Variants in TMEFF2 observed in about 807,000 individuals in gnomAD.
TMEFF2 encodes the protein tomoregulin-2.
Under a neutral mutation model 53.8 loss-of-function variants are expected in TMEFF2, and 28 were observed. The ratio of observed to expected loss-of-function variants is 0.52; its 90% confidence interval spans 0.39 to 0.71. The LOEUF is 0.71. TMEFF2 is among the 30% of genes least tolerant of loss of function. The probability of loss-of-function intolerance (pLI) is 0.00; values close to 1 mark genes in which losing one functional copy is unlikely to be tolerated. For synonymous variants in TMEFF2, 162 were observed against 166.3 expected (o/e 0.97, Z 0.20); for missense variants, 353 against 455.2 (o/e 0.78, Z 2.04).
rs569528744 is a variant in TMEFF2, at chr2:192,059,556, C to T, written c.440-1781G>A. On this transcript the variant is annotated intron_variant, in intron 4 of 9. Coordinates refer to ENST00000272771, the MANE Select transcript of TMEFF2 (RefSeq NM_016192.4). ...ACTTCCAGACTAAAGCTTCCCATTACTCAGGAAAGATAAGAACACAATGGC... is the reference window on the plus strand; with the variant it reads ...ACTTCCAGACTAAAGCTTCCCATTATTCAGGAAAGATAAGAACACAATGGC... Among the ~76,000 whole-genome samples the T allele has an allele frequency of 2.0e-5, 3 of 152,268 alleles. No individual in the cohort carries two copies. In the South Asian group the frequency reaches 6.2e-4, roughly 32 times the overall value.
At chr2:191,978,038 T>C (rs576719301) in intron 7 of TMEFF2, among the ~76,000 whole-genome samples, 3 of 152,334 alleles carry the variant, frequency 2.0e-5, no homozygotes, top group East Asian at 1.9e-4. Flanking sequence ...GTCAGCACTT[T>C]TAGCAGAAAC....
At chr2:192,132,210 C>T (rs551120198) in intron 4 of TMEFF2, among the ~76,000 whole-genome samples, 42 of 152,250 alleles carry the variant, frequency 2.8e-4, no homozygotes, top group South Asian at 2.1e-4. Context: ...CTTACAGTTT[C>T]GTTCTGTGAC....
intron 5 of TMEFF2, among the ~76,000 whole-genome samples, chr2:192,023,352 AC>A (rs1686899188): frequency 6.6e-6 from 1 of 152,172 alleles, no homozygotes; most frequent in Admixed American, 6.5e-5. Flanking sequence ...CTACATCAAC[AC>A]CAGGTACTTC....
intron 4 of TMEFF2, among the ~76,000 whole-genome samples, chr2:192,141,844 A>G (rs1004554684): frequency 6.6e-6 from 1 of 152,194 alleles, no homozygotes. Context: ...ATTTGTATTT[A>G]TTACAAACTG....
chr2:192,118,230 T>C (rs1385622678), intron 4 of TMEFF2, among the ~76,000 whole-genome samples: 1 of 152,084 alleles, frequency 6.6e-6, no homozygotes, highest in African/African-American at 2.4e-5. Flanking sequence ...GACTAGAGAT[T>C]TTTTGGTAAC....
At chr2:192,104,628 G>C (rs1397696938) in intron 4 of TMEFF2, among the ~76,000 whole-genome samples, 3 of 151,900 alleles carry the variant, frequency 2.0e-5, no homozygotes, top group Non-Finnish European at 4.4e-5. Context: ...AATTTAACTG[G>C]ATGAATTAAA....
intron 4 of TMEFF2, among the ~76,000 whole-genome samples, chr2:192,071,486 A>C (rs1245490861): frequency 1.3e-5 from 2 of 151,742 alleles, no homozygotes; most frequent in Non-Finnish European, 2.9e-5. Context: ...AGAAACCTGA[A>C]ACGTGTCAAT....
intron 7 of TMEFF2, among the ~76,000 whole-genome samples, chr2:191,960,111 G>A (rs1478659914): frequency 2.0e-5 from 3 of 152,022 alleles, no homozygotes; most frequent in African/African-American, 7.2e-5. Flanking sequence ...GGCCTCAAGT[G>A]ATCCACCTGC....
Position 191,956,289 on chromosome 2 carries a change from C to T in TMEFF2, c.835G>A (p.Glu279Lys). Residue 279 changes from glutamate to lysine, a missense_variant, in exon 8 of 10, where the codon GAG becomes AAG. Glu to Lys is a moderately conservative substitution (Grantham distance 56, BLOSUM62 1). This residue lies in a region of TMEFF2 where 294 missense variants were observed against 397.3 expected (regional missense o/e 0.74). Coordinates refer to ENST00000272771, the MANE Select transcript of TMEFF2 (RefSeq NM_016192.4). ...GGCTCCTGCATATTGATAGAATGCT[C>T]ACACTTCCCATGCATGCAGAAGCCA... ...YNGFCMHGKC[E>K]HSINMQEPSC... 7 of 1,613,754 alleles carry T rather than the reference C, an allele frequency of 4.3e-6. No individual in the cohort carries two copies. The highest frequency in any genetic ancestry group is 5.9e-6 in the Non-Finnish European group (7 of 1,179,850).
chr2:191,981,548 CACAAAGTAAAT>C (rs1223878008), intron 7 of TMEFF2, among the ~76,000 whole-genome samples: 2 of 152,160 alleles, frequency 1.3e-5, no homozygotes, highest in Non-Finnish European at 2.9e-5. Flanking sequence ...TAATGCATGA[CACAAAGTAAAT>C]GCAAAATTAA....
intron 5 of TMEFF2, among the ~76,000 whole-genome samples, chr2:192,004,621 A>C (rs1686454057): frequency 6.6e-6 from 1 of 152,204 alleles, no homozygotes; most frequent in Admixed American, 6.5e-5. Context: ...TCTCTAAATA[A>C]ATAATTAAAA....
intron 4 of TMEFF2, among the ~76,000 whole-genome samples, chr2:192,146,108 A>G (rs1274222094): frequency 6.6e-6 from 1 of 152,044 alleles, no homozygotes; most frequent in Non-Finnish European, 1.5e-5. Context: ...TCACAAAAAT[A>G]TAAATATCAC....
intron 4 of TMEFF2, among the ~76,000 whole-genome samples, chr2:192,122,782 C>A (rs1048424458): frequency 2.6e-5 from 4 of 152,010 alleles, no homozygotes; most frequent in Admixed American, 6.6e-5. Flanking sequence ...TACTATCAGG[C>A]ACTAACAGAT....
chr2:192,084,155 C>T (rs1688614712), intron 4 of TMEFF2, among the ~76,000 whole-genome samples: 2 of 152,092 alleles, frequency 1.3e-5, no homozygotes, highest in African/African-American at 2.4e-5. Context: ...ACAGGTCCAT[C>T]GGAACCCTAA....
intron 5 of TMEFF2, among the ~76,000 whole-genome samples, chr2:192,055,474 TA>T (rs1423275072): frequency 1.3e-5 from 2 of 152,082 alleles, no homozygotes; most frequent in Admixed American, 1.3e-4. Context: ...GGATGTTTTT[TA>T]AAAACCATAC....
chr2:192,061,245 A>C (rs1420729665), intron 4 of TMEFF2, among the ~76,000 whole-genome samples: 2 of 152,258 alleles, frequency 1.3e-5, no homozygotes, highest in South Asian at 2.1e-4. Context: ...ATTGTAATTC[A>C]CTCTGATAAA....
chr2:192,128,840 T>C (rs1290096330), intron 4 of TMEFF2, among the ~76,000 whole-genome samples: 2 of 152,232 alleles, frequency 1.3e-5, no homozygotes, highest in Non-Finnish European at 2.9e-5. Flanking sequence ...CAAAGGAGGC[T>C]GTTGCTCACA....
intron 4 of TMEFF2, among the ~76,000 whole-genome samples, chr2:192,105,373 G>A (rs1468132519): frequency 6.6e-6 from 1 of 151,592 alleles, no homozygotes; most frequent in Non-Finnish European, 1.5e-5. Context: ...AGATATTTTT[G>A]AAATATTATA....
At chr2:192,096,479 CTACA>C (rs1373576613) in intron 4 of TMEFF2, among the ~76,000 whole-genome samples, 1 of 151,756 alleles carries the variant, frequency 6.6e-6, no homozygotes, top group Non-Finnish European at 1.5e-5. Context: ...TCCTTTATGC[CTACA>C]AACAATTTTG....
Sources: gnomAD v4.1 joint callset for allele counts (sites outside exome capture counted in the v4.1 genomes callset) on GRCh38, gnomAD v4.1.1 for gene constraint, gnomAD v4.1.1 regional missense constraint, MANE v1.5 for transcripts, NCBI Gene and HGNC (gene_info 2026-07-23, HGNC 2026-07-21) for gene names.